ZFYVE28: variants seen among roughly 807,000 people sequenced by gnomAD.
The protein encoded by ZFYVE28 is lateral signaling target protein 2 homolog.
ZFYVE28 carries 40 observed loss-of-function variants against 82.1 expected under a neutral mutation model. The observed-to-expected ratio is 0.49, with a 90% CI of 0.38 to 0.63. The LOEUF (loss-of-function observed/expected upper bound fraction) is 0.63, where lower values mean the gene tolerates loss of function less well. Ranked by LOEUF, ZFYVE28 falls within the 30% of genes least tolerant of loss-of-function variation. The pLI, the probability that ZFYVE28 is intolerant of heterozygous loss-of-function variation, is 0.00. For missense variants in ZFYVE28, 1,321 were observed against 1,242.1 expected (o/e 1.06, Z -0.96); for synonymous variants, 612 against 546.1 (o/e 1.12, Z -1.68).
At chr4:2,389,235 G>C (rs1261212715) in intron 1 of ZFYVE28, among the ~76,000 whole-genome samples, 1 of 152,240 alleles carries the variant, frequency 6.6e-6, no homozygotes, top group African/African-American at 2.4e-5. Context: ...TGCCCACACA[G>C]CCAGGAGGTG....
At position 2,408,504 on chromosome 4, in the gene ZFYVE28, T is replaced by A. The variant is rs896819388; in HGVS notation, c.39+9781A>T. Among the ~76,000 whole-genome samples, 1 of 152,222 alleles carries A rather than the reference T, an allele frequency of 6.6e-6. No homozygotes were observed. Among genetic ancestry groups the A allele is most frequent in the Non-Finnish European group, 1.5e-5 (1 of 68,038 alleles). On this transcript the variant is annotated intron_variant, in intron 1 of 12. Transcript: ENST00000290974. The surrounding 1 kb of genome is among the most constrained non-coding windows in gnomAD (Gnocchi z 4.3). The stretch of plus-strand genomic sequence containing the variant: ...GCCTGGAGGGGGCCTGCCTGACAGC[T>A]GCACCAGCCGGGGTGGACCAAAGGC...
chr4:2,361,839 AC>A (rs1726206817), intron 1 of ZFYVE28, among the ~76,000 whole-genome samples: 1 of 152,056 alleles, frequency 6.6e-6, no homozygotes, highest in Non-Finnish European at 1.5e-5. Context: ...CCTTAAAGAG[AC>A]ACCTTGTCAC....
chr4:2,347,425 A>C (rs771763527), intron 2 of ZFYVE28, among the ~76,000 whole-genome samples: 12 of 152,224 alleles, frequency 7.9e-5, no homozygotes, highest in Non-Finnish European at 1.5e-4. Flanking sequence ...GATATGGTTG[A>C]CATTTACAGA....
rs775691742 is a variant in ZFYVE28 at position 2,271,408 on chromosome 4, G to T, written c.2435C>A (p.Pro812Gln). Residue 812 changes from proline to glutamine, a missense_variant, in exon 12 of 13, where the codon CCG becomes CAG. By Grantham distance (76) the Pro-to-Gln change is moderately conservative. Transcript: ENST00000290974. The stretch of plus-strand genomic sequence containing the variant: ...ACAGGCCTCGTCTGGCACCCACTCC[G>T]GGGGGTCTGTCACAACAACAGCAGC... ...KTRDGDFEDP[P>Q]EWVPDEACGF... 6.2e-7 allele frequency: 1 copy of T among 1,612,324 alleles called. No individual in the cohort carries two copies. Among genetic ancestry groups the T allele is most frequent in the Non-Finnish European group, 8.5e-7 (1 of 1,179,562 alleles).
intron 6 of ZFYVE28, among the ~76,000 whole-genome samples, chr4:2,326,021 C>A (rs747960161): frequency 6.6e-6 from 1 of 152,068 alleles, no homozygotes; most frequent in Non-Finnish European, 1.5e-5. Context: ...TGTCTTTGCA[C>A]CCTGTTGTTT....
In ZFYVE28 at chr4:2,281,135, TG is replaced by T. The variant is rs1711907969; in HGVS notation, c.2052-6920del. On this transcript the variant is annotated intron_variant, in intron 8 of 12. Coordinates refer to ENST00000290974, the MANE Select transcript of ZFYVE28 (RefSeq NM_020972.3). ...AGCTCTGGTGGCGTGGGAGGGGGAA[TG>T]GGTGGACAGAGAGAGCCAAGGGGCC... Among the ~76,000 whole-genome samples, 3 of 151,968 alleles carry T rather than the reference TG, an allele frequency of 2.0e-5. No individual in the cohort carries two copies. In the South Asian group the frequency reaches 6.2e-4, roughly 32 times the overall value.
chr4:2,357,753 G>A (rs1339279392), intron 1 of ZFYVE28, among the ~76,000 whole-genome samples: 1 of 152,206 alleles, frequency 6.6e-6, no homozygotes, highest in Non-Finnish European at 1.5e-5. Context: ...TGAATTTAGG[G>A]CACTGGATGA....
rs945480930 is a variant in ZFYVE28, at chr4:2,300,775, G to A, written c.2051+3514C>T. 1.3e-5 allele frequency among the ~76,000 whole-genome samples: 2 copies of A among 152,146 alleles called. No individual in the cohort carries two copies. The highest frequency in any genetic ancestry group is 2.4e-5 in the African/African-American group (1 of 41,422). ...CAGTACACGGAGACGCGACTCGCAC[G>A]TGAGACTGGAAGCCGTGAATCAAGG... On this transcript the variant is annotated intron_variant, in intron 8 of 12. Transcript: ENST00000290974. This position sits in a 1 kb window ranked among gnomAD's most constrained non-coding sequence, Gnocchi z 4.6.
chr4:2,410,318 C>T (rs555694288), intron 1 of ZFYVE28, among the ~76,000 whole-genome samples: 8 of 152,292 alleles, frequency 5.3e-5, no homozygotes, highest in African/African-American at 1.9e-4. Flanking sequence ...CTTTCTGTCT[C>T]AATGGATTTG....
intron 1 of ZFYVE28, among the ~76,000 whole-genome samples, chr4:2,399,794 G>A (rs377623333): frequency 2.0e-4 from 31 of 152,326 alleles, no homozygotes; most frequent in African/African-American, 6.3e-4. Flanking sequence ...AGCAGGGCCC[G>A]GGACACCATC....
chr4:2,315,685 C>A (rs1382422812), intron 7 of ZFYVE28, among the ~76,000 whole-genome samples: 1 of 152,144 alleles, frequency 6.6e-6, no homozygotes, highest in Non-Finnish European at 1.5e-5. Flanking sequence ...GTAGTATGTC[C>A]TTTTTCTCTT....
intron 8 of ZFYVE28, among the ~76,000 whole-genome samples, chr4:2,292,225 C>A (rs1487819989): frequency 6.6e-6 from 1 of 152,174 alleles, no homozygotes; most frequent in Non-Finnish European, 1.5e-5. Context: ...AACAGGAATG[C>A]CACAGACATG....
At chr4:2,285,696 G>A (rs1352400174) in intron 8 of ZFYVE28, 3 of 152,546 alleles carry the variant, frequency 2.0e-5, no homozygotes, top group Non-Finnish European at 4.4e-5. Context: ...TCCTCAGAAG[G>A]GCCGCTGCCA....
chr4:2,301,898 G>T (rs1328091201), intron 8 of ZFYVE28, among the ~76,000 whole-genome samples: 1 of 152,200 alleles, frequency 6.6e-6, no homozygotes, highest in Non-Finnish European at 1.5e-5. Context: ...AAAGAAAGAG[G>T]AGAGGCTGTT....
intron 1 of ZFYVE28, among the ~76,000 whole-genome samples, chr4:2,377,315 C>T (rs1311664698): frequency 6.6e-6 from 1 of 152,250 alleles, no homozygotes; most frequent in South Asian, 2.1e-4. Context: ...AGCCACTGCG[C>T]CCGGCCTAGG....
Position 2,408,239 on chromosome 4 carries a change from C to G in ZFYVE28, c.39+10046G>C, listed in dbSNP as rs1013047065. Among the ~76,000 whole-genome samples, 15 of 152,190 alleles carry G rather than the reference C, an allele frequency of 9.9e-5. No individual in the cohort carries two copies. The highest frequency in any genetic ancestry group is 1.8e-4 in the Non-Finnish European group (12 of 68,022). The stretch of plus-strand genomic sequence containing the variant: ...CTAACCCCACCATGCCCTGGGCCTC[C>G]CTGTGAGTGCTCCCAAGAACATCCT... On this transcript the variant is annotated intron_variant, in intron 1 of 12. Coordinates refer to ENST00000290974, the MANE Select transcript of ZFYVE28 (RefSeq NM_020972.3). This position sits in a 1 kb window ranked among gnomAD's most constrained non-coding sequence, Gnocchi z 4.3.
At chr4:2,307,960 C>T (rs1408757216) in intron 7 of ZFYVE28, among the ~76,000 whole-genome samples, 1 of 152,142 alleles carries the variant, frequency 6.6e-6, no homozygotes, top group African/African-American at 2.4e-5. Flanking sequence ...CAACCATTCC[C>T]GCTGTTCTGT....
chr4:2,324,811 A>T (rs1386424210), intron 6 of ZFYVE28: 1 of 154,240 alleles, frequency 6.5e-6, no homozygotes, highest in East Asian at 1.8e-4. Flanking sequence ...ACTTTAGGGA[A>T]AAAGAAAAGT....
intron 1 of ZFYVE28, among the ~76,000 whole-genome samples, chr4:2,414,061 C>T (rs914291738): frequency 1.3e-5 from 2 of 152,234 alleles, no homozygotes; most frequent in African/African-American, 4.8e-5. Flanking sequence ...CTCTGGGGCC[C>T]GCCCCCATCT....
Sources: gnomAD v4.1 joint callset for allele counts (sites outside exome capture counted in the v4.1 genomes callset) on GRCh38, gnomAD v4.1.1 for gene constraint, Gnocchi (gnomAD v3.1) non-coding constraint, MANE v1.5 for transcripts, NCBI Gene and HGNC (gene_info 2026-07-23, HGNC 2026-07-21) for gene names.